Variants in CPS1 observed in about 807,000 individuals in gnomAD.
The protein encoded by CPS1 is carbamoyl-phosphate synthase [ammonia], mitochondrial.
A neutral mutation model predicts 174.6 loss-of-function variants in CPS1; 109 were observed. The ratio of observed to expected loss-of-function variants is 0.62; its 90% CI spans 0.53 to 0.73. The LOEUF (loss-of-function observed/expected upper bound fraction) is 0.73. Ranked by LOEUF, CPS1 falls within the 30% of genes least tolerant of loss-of-function variation. The pLI, the probability that CPS1 is intolerant of heterozygous loss-of-function variation, is 0.00. For synonymous variants in CPS1, 637 were observed against 632.0 expected (o/e 1.01, Z -0.12); for missense variants, 1,689 against 1,821.9 (o/e 0.93, Z 1.33).
rs2105915048 is a variant in CPS1, at chr2:210,654,088, G to A, written c.3544G>A (p.Gly1182Ser). 2 of 1,613,890 alleles carry A rather than the reference G, an allele frequency of 1.2e-6. No individual in the cohort carries two copies. The highest frequency in any genetic ancestry group is 1.7e-6 in the Non-Finnish European group (2 of 1,179,812). ...GAREVEMDAV[G>S]KDGRVISHAI... The stretch of plus-strand genomic sequence containing the variant: ...CCGAGAAGTAGAAATGGACGCTGTT[G>A]GCAAAGATGGAAGGGTAAGTGCTTT... Residue 1182 changes from glycine (G) to serine (S), a missense_variant, in exon 29 of 38, where the codon GGC (glycine) becomes AGC (serine). Gly to Ser is a moderately conservative substitution (Grantham distance 56). Coordinates refer to ENST00000233072, the MANE Select transcript of CPS1 (RefSeq NM_001875.5).
At chr2:210,487,689 C>A (rs1574460806) in intron 1 of CPS1, among the ~76,000 whole-genome samples, 1 of 148,776 alleles carries the variant, frequency 6.7e-6, no homozygotes, top group East Asian at 2.0e-4. Flanking sequence ...CATTGTGATG[C>A]TTTTTTTTTT....
At chr2:210,578,930 T>G (rs1186646231) in intron 4 of CPS1, among the ~76,000 whole-genome samples, 1 of 152,166 alleles carries the variant, frequency 6.6e-6, no homozygotes. Context: ...ACCAACGGCT[T>G]GTAAGTTCGT....
intron 20 of CPS1, among the ~76,000 whole-genome samples, chr2:210,614,908 T>C (rs1411710657): frequency 6.6e-6 from 1 of 151,750 alleles, no homozygotes; most frequent in Non-Finnish European, 1.5e-5. Flanking sequence ...AGGGGATGCA[T>C]AGCACTAGGA....
chr2:210,623,863 A>T (rs976507186), intron 21 of CPS1, among the ~76,000 whole-genome samples: 1 of 152,114 alleles, frequency 6.6e-6, no homozygotes, highest in African/African-American at 2.4e-5. Flanking sequence ...TTTTGTGCTT[A>T]TGCTTGATTG....
chr2:210,666,539 A>G (rs556794409), intron 33 of CPS1, among the ~76,000 whole-genome samples: 1 of 152,338 alleles, frequency 6.6e-6, no homozygotes, highest in African/African-American at 2.4e-5. Flanking sequence ...GCAGCTTTCT[A>G]CGTATGGTTA....
chr2:210,565,905 G>A (rs1180821758), intron 1 of CPS1, among the ~76,000 whole-genome samples: 3 of 152,126 alleles, frequency 2.0e-5, no homozygotes, highest in African/African-American at 7.2e-5. Context: ...TGATGTTTGG[G>A]GAGCATGCTC....
chr2:210,595,632 C>A, intron 13 of CPS1, 50 bp downstream of exon 13: 1 of 1,209,076 alleles, frequency 8.3e-7, no homozygotes, highest in South Asian at 1.2e-5. Context: ...TTTAATGAGT[C>A]TAATTAGTAT....
In CPS1 at chr2:210,608,373, A is replaced by G. The variant is rs749436827; in HGVS notation, c.2205A>G (p.Ala735=). ...LASKATGYPL[A]FIAAKIALGI... is the part of the protein sequence containing the mutation. ...CTTCTTTTTATAGCTACCCATTGGC[A>G]TTCATTGCTGCAAAGATTGCCCTAG... Residue 735 remains alanine, a synonymous_variant, in exon 19 of 38, where the codon GCA becomes GCG. Coordinates refer to ENST00000233072, the MANE Select transcript of CPS1 (RefSeq NM_001875.5). 1.1e-5 allele frequency: 18 copies of G among 1,612,006 alleles called. No homozygotes were observed. In the Middle Eastern group the frequency reaches 4.9e-4, roughly 44 times the overall value.
rs1375135144 is a variant in CPS1 at position 210,477,693 on chromosome 2, A to ATAGTTGCTTTCTTAGGAAATG, written c.-56_-36dup. 1.3e-5 allele frequency: 21 copies of ATAGTTGCTTTCTTAGGAAATG among 1,600,460 alleles called. No homozygotes were observed. Among genetic ancestry groups the ATAGTTGCTTTCTTAGGAAATG allele is most frequent in the African/African-American group, 9.4e-5 (7 of 74,684 alleles). ...CCACACCCAGGTTTGCTCTTTTAAAATAGTTGCTTTCTTAGGAAATGTAGT... is the reference window on the plus strand; with the variant it reads ...CCACACCCAGGTTTGCTCTTTTAAAATAGTTGCTTTCTTAGGAAATGTAGTTGCTTTCTTAGGAAATGTAGT... On this transcript the variant is annotated 5_prime_UTR_variant, in exon 1 of 39. Coordinates refer to the CPS1 transcript ENST00000430249.
At chr2:210,638,412 A>G (rs1029285249) in intron 22 of CPS1, among the ~76,000 whole-genome samples, 1 of 151,936 alleles carries the variant, frequency 6.6e-6, no homozygotes, top group African/African-American at 2.4e-5. Flanking sequence ...TTTGGCCTTT[A>G]ATGGAAGGGA....
At position 210,677,897 on chromosome 2, in the gene CPS1, T is replaced by A. The variant is rs756635859; in HGVS notation, c.4415T>A (p.Leu1472His). The A allele has an allele frequency of 6.2e-7, 1 of 1,613,866 alleles. No individual in the cohort carries two copies. ...PLLTNFQVTK[L>H]FAEAVQKSRK... is the part of the protein sequence containing the mutation. ...CCATTATATTTTCAGGTGACCAAAC[T>A]TTTTGCTGAAGCTGTGCAGAAATCT... Residue 1472 changes from leucine to histidine, a missense_variant, in exon 38 of 38, where the codon CTT becomes CAT. Leu to His is a moderately conservative substitution (Grantham distance 99). Transcript: ENST00000233072.
chr2:210,506,711 C>T (rs564859869), intron 1 of CPS1, among the ~76,000 whole-genome samples: 8 of 152,244 alleles, frequency 5.3e-5, no homozygotes, highest in Non-Finnish European at 1.0e-4. Context: ...AACCAAGGCA[C>T]GAGAACTACG....
chr2:210,524,343 A>C (rs1395256301), intron 1 of CPS1, among the ~76,000 whole-genome samples: 2 of 151,978 alleles, frequency 1.3e-5, no homozygotes, highest in Non-Finnish European at 2.9e-5. Flanking sequence ...TTTAGAAACA[A>C]GGTATTAAAT....
chr2:210,487,423 C>T (rs940136002), intron 1 of CPS1, among the ~76,000 whole-genome samples: 2 of 152,198 alleles, frequency 1.3e-5, no homozygotes, highest in Admixed American at 6.5e-5. Context: ...AGGTTTGTGG[C>T]AGCTCCATAA....
chr2:210,576,069 T>C (rs1438569346), intron 2 of CPS1, among the ~76,000 whole-genome samples: 1 of 152,054 alleles, frequency 6.6e-6, no homozygotes, highest in Non-Finnish European at 1.5e-5. Context: ...GCAAGGGATT[T>C]TTAAAGGAAT....
intron 1 of CPS1, among the ~76,000 whole-genome samples, chr2:210,509,921 C>T (rs62203705): frequency 6.6e-6 from 1 of 152,008 alleles, no homozygotes; most frequent in African/African-American, 2.4e-5. Flanking sequence ...TGGGTAGGAA[C>T]AATCAATATC....
intron 1 of CPS1, among the ~76,000 whole-genome samples, chr2:210,547,383 G>A (rs1241487942): frequency 6.6e-6 from 1 of 151,906 alleles, no homozygotes; most frequent in Non-Finnish European, 1.5e-5. Context: ...GTTGTTTAAA[G>A]TTTATTTTCA....
At position 210,612,274 on chromosome 2, in the gene CPS1, G is replaced by T. The variant is rs767694281; in HGVS notation, c.2549G>T (p.Arg850Leu). 6.2e-7 allele frequency: 1 copy of T among 1,611,774 alleles called. No homozygotes were observed. The highest frequency in any genetic ancestry group is 1.3e-5 in the African/African-American group (1 of 74,748). Reference sequence around the variant, plus strand: ...GAGTTGTCTGAACCAAGCAGCACGCGTATCTATGCCATTGCCAAGGTAAGA... The same window carrying T: ...GAGTTGTCTGAACCAAGCAGCACGCTTATCTATGCCATTGCCAAGGTAAGA... ...RKELSEPSST[R>L]IYAIAKAIDD... is the part of the protein sequence containing the mutation. The change falls in exon 20 of 38, where the codon CGT becomes CTT. Residue 850 changes from arginine to leucine, a missense_variant. Transcript: ENST00000233072.
At chr2:210,501,653 A>G (rs1327152756) in intron 1 of CPS1, among the ~76,000 whole-genome samples, 1 of 152,122 alleles carries the variant, frequency 6.6e-6, no homozygotes, top group Non-Finnish European at 1.5e-5. Flanking sequence ...CAAGTTCCTC[A>G]TCTCTATCTG....
Sources: allele counts gnomAD v4.1 joint callset (sites outside exome capture counted in the v4.1 genomes callset), GRCh38; gene constraint gnomAD v4.1.1; transcripts MANE v1.5; gene names NCBI Gene and HGNC (gene_info 2026-07-23, HGNC 2026-07-21).